Variants in SLC26A8 observed in about 807,000 individuals in gnomAD.
SLC26A8 encodes the protein testis anion transporter 1.
Under a neutral mutation model 105.0 loss-of-function variants are expected in SLC26A8, and 70 were observed. That is an observed-to-expected ratio of 0.67 (90% CI 0.55 to 0.81). The LOEUF is 0.81. SLC26A8 is among the 40% of genes least tolerant of loss of function. The probability of loss-of-function intolerance (pLI) is 0.00; values close to 1 mark genes in which losing one functional copy is unlikely to be tolerated. For synonymous variants in SLC26A8, 415 were observed against 438.3 expected, an observed-to-expected ratio of 0.95 and a Z score of 0.66; for missense variants, 998 against 1,181.8, an observed-to-expected ratio of 0.84 and a Z score of 2.28.
intron 3 of SLC26A8, among the ~76,000 whole-genome samples, chr6:36,001,643 C>G (rs1761526762): frequency 6.6e-6 from 1 of 152,242 alleles, no homozygotes; most frequent in African/African-American, 2.4e-5. Context: ...TCTATGCAGT[C>G]AAGACAGAGT....
At chr6:35,997,985 C>A in intron 4 of SLC26A8, 66 bp from the exon 5 acceptor site, 1 of 1,454,402 alleles carries the variant, frequency 6.9e-7, no homozygotes, top group Non-Finnish European at 9.5e-7. Context: ...TTGACAAAAG[C>A]AAGGTATGGT....
Position 35,986,103 on chromosome 6 carries a change from C to T in SLC26A8, c.943-3900G>A, listed in dbSNP as rs144277597. ...AGGCTGGAGTGCAATGGCACAATCC[C>T]GGCTCACTGCAACCTTCACCTCCTG... On this transcript the variant is annotated intron_variant, in intron 7 of 19. Coordinates refer to ENST00000490799, the MANE Select transcript of SLC26A8 (RefSeq NM_052961.4). Among the ~76,000 whole-genome samples the T allele has an allele frequency of 3.5e-4, 51 of 147,594 alleles. No homozygotes were observed. In the East Asian group the frequency reaches 9.8e-3, roughly 28 times the overall value.
intron 7 of SLC26A8, among the ~76,000 whole-genome samples, chr6:35,986,421 A>G (rs1365257103): frequency 6.6e-6 from 1 of 152,168 alleles, no homozygotes; most frequent in African/African-American, 2.4e-5. Context: ...TGTAGTTACT[A>G]TATTGTACAA....
At chr6:35,988,171 A>G (rs1053642750) in intron 7 of SLC26A8, among the ~76,000 whole-genome samples, 2 of 152,110 alleles carry the variant, frequency 1.3e-5, no homozygotes, top group Non-Finnish European at 2.9e-5. Context: ...TCGGCCTCCC[A>G]AAGTGCTGAG....
At chr6:35,990,273 G>T in intron 7 of SLC26A8, 1 of 266,164 alleles carries the variant, frequency 3.8e-6, no homozygotes, top group Non-Finnish European at 7.2e-6. Context: ...CTGTACTGTT[G>T]GATACATGTC....
intron 1 of SLC26A8, 59 bp downstream of exon 1, chr6:36,024,445 A>C (rs1385218844): frequency 4.4e-6 from 2 of 450,158 alleles, no homozygotes; most frequent in East Asian, 1.5e-4. Context: ...TGACGGACGC[A>C]GCCCCCGCCC....
intron 1 of SLC26A8, among the ~76,000 whole-genome samples, chr6:36,020,168 C>A (rs1159231642): frequency 6.6e-6 from 1 of 152,176 alleles, no homozygotes. Flanking sequence ...ATCCCTTTAC[C>A]TTTTACTTTT....
intron 2 of SLC26A8, among the ~76,000 whole-genome samples, chr6:36,014,775 A>G (rs1761951891): frequency 6.6e-6 from 1 of 152,112 alleles, no homozygotes; most frequent in Admixed American, 6.5e-5. Flanking sequence ...CTGAGGCAGA[A>G]GAATCGCTTG....
chr6:35,981,348 G>A lies in SLC26A8; in HGVS notation c.1025+773C>T, dbSNP rs934998214. ...AGTAAGAAAACAATGTTGCTCAAGGGCACCAATTCTGACCGGGCACTGTGG... is the reference window on the plus strand; with the variant it reads ...AGTAAGAAAACAATGTTGCTCAAGGACACCAATTCTGACCGGGCACTGTGG... On this transcript the variant is annotated intron_variant, in intron 8 of 19. Coordinates refer to ENST00000490799, the MANE Select transcript of SLC26A8 (RefSeq NM_052961.4). This position sits in a 1 kb window ranked among gnomAD's most constrained non-coding sequence, Gnocchi z 4.0. Among the ~76,000 whole-genome samples the A allele has an allele frequency of 6.6e-6, 1 of 152,030 alleles. No homozygotes were observed. The highest frequency in any genetic ancestry group is 1.5e-5 in the Non-Finnish European group (1 of 67,984).
chr6:35,987,647 A>T (rs961462028), intron 7 of SLC26A8, among the ~76,000 whole-genome samples: 55 of 152,290 alleles, frequency 3.6e-4, no homozygotes, highest in African/African-American at 1.3e-3. Flanking sequence ...CTGGGATTAC[A>T]GGCGTGAGCC....
At chr6:35,955,085 G>C in intron 17 of SLC26A8, 67 bp downstream of exon 17, 1 of 1,594,282 alleles carries the variant, frequency 6.3e-7, no homozygotes, top group East Asian at 2.2e-5. Context: ...ATTCAATCAG[G>C]ATCAGGGTGG....
intron 2 of SLC26A8, among the ~76,000 whole-genome samples, chr6:36,013,707 G>C (rs1761924404): frequency 6.6e-6 from 1 of 152,158 alleles, no homozygotes; most frequent in African/African-American, 2.4e-5. Context: ...TTAGATTTTA[G>C]CAGGGGTTGA....
intron 19 of SLC26A8, among the ~76,000 whole-genome samples, chr6:35,949,426 T>A (rs1771781763): frequency 6.6e-6 from 1 of 151,560 alleles, no homozygotes; most frequent in Non-Finnish European, 1.5e-5. Flanking sequence ...AATGAGACTG[T>A]CTCAAAAATA....
rs1040527989 is a variant in SLC26A8, at chr6:35,984,324, T to C, written c.943-2121A>G. Among the ~76,000 whole-genome samples, 3 of 52,756 alleles carry C rather than the reference T, an allele frequency of 5.7e-5. No homozygotes were observed. In the South Asian group the frequency reaches 2.9e-3, roughly 51 times the overall value. The allele number at this position is 52,756 out of a possible 152,430, so 34.6% of individuals were successfully genotyped here. ...CTTTCTTTCTTCTTCTTCTTATTTT[T>C]TTTTTTTTTTTTTTTGAGACAGAGT... On this transcript the variant is annotated intron_variant, in intron 7 of 19. Coordinates refer to ENST00000490799, the MANE Select transcript of SLC26A8 (RefSeq NM_052961.4).
chr6:36,017,837 C>A (rs1486642591), intron 2 of SLC26A8, among the ~76,000 whole-genome samples: 1 of 151,978 alleles, frequency 6.6e-6, no homozygotes, highest in African/African-American at 2.4e-5. Context: ...AGACAAACAA[C>A]CTAATTTTAC....
rs571713173 is a variant in SLC26A8 at position 35,967,253 on chromosome 6, G to A, written c.1365+1624C>T. Among the ~76,000 whole-genome samples the A allele has an allele frequency of 2.5e-3, 376 of 152,282 alleles. 2 individuals are homozygous for A. The highest frequency in any genetic ancestry group is 7.9e-3 in the African/African-American group (329 of 41,562). Reference sequence around the variant, plus strand: ...TACTGACACCTGCTATTCACCAGGTGGAAAGGAAGCATTCAGAAGGAGGGA... The same window carrying A: ...TACTGACACCTGCTATTCACCAGGTAGAAAGGAAGCATTCAGAAGGAGGGA... On this transcript the variant is annotated intron_variant, in intron 11 of 19. Transcript: ENST00000490799.
At chr6:35,985,428 C>T (rs1040825589) in intron 7 of SLC26A8, among the ~76,000 whole-genome samples, 2 of 152,058 alleles carry the variant, frequency 1.3e-5, no homozygotes, top group African/African-American at 4.8e-5. Context: ...GGCATGGTGG[C>T]TCATGCCTGT....
chr6:35,956,924 G>GA (rs11286224), intron 16 of SLC26A8, among the ~76,000 whole-genome samples: 225 of 136,870 alleles, frequency 1.6e-3, no homozygotes, highest in Admixed American at 2.5e-3. Context: ...CATCTCAAAA[G>GA]AAAAAAAAAA....
chr6:36,015,400 T>C (rs1438159296), intron 2 of SLC26A8, among the ~76,000 whole-genome samples: 1 of 152,186 alleles, frequency 6.6e-6, no homozygotes, highest in Non-Finnish European at 1.5e-5. Context: ...CATGAGCCAC[T>C]GTGCCCAGCC....
Sources: allele counts gnomAD v4.1 joint callset (sites outside exome capture counted in the v4.1 genomes callset), GRCh38; gene constraint gnomAD v4.1.1; non-coding constraint Gnocchi (gnomAD v3.1); transcripts MANE v1.5; gene names NCBI Gene and HGNC (gene_info 2026-07-23, HGNC 2026-07-21).